The following CSMD1 variants were observed in gnomAD, a reference collection of about 807,000 sequenced individuals.
CSMD1 encodes CUB and Sushi multiple domains 1, also known as CUB and sushi domain-containing protein 1.
CSMD1 carries 213 observed loss-of-function variants against 417.5 expected under a neutral mutation model. That is an observed-to-expected ratio of 0.51 (90% CI 0.46 to 0.57). CSMD1 has a LOEUF of 0.57. CSMD1 is among the 20% of genes least tolerant of loss of function. The pLI is 0.00. For missense variants in CSMD1, 6,923 were observed against 4,529.7 expected (o/e 1.53, Z -15.17); for synonymous variants, 2,862 against 1,736.8 (o/e 1.65, Z -16.11).
chr8:4,924,583 G>A (rs1806723596), intron 1 of CSMD1, among the ~76,000 whole-genome samples: 1 of 151,934 alleles, frequency 6.6e-6, no homozygotes. Context: ...TTAGCCTGGT[G>A]TGGTGGCCCG....
chr8:4,840,086 G>C (rs1004656744), intron 1 of CSMD1, among the ~76,000 whole-genome samples: 1 of 103,296 alleles, frequency 9.7e-6, no homozygotes, highest in Admixed American at 1.0e-4. Flanking sequence ...GGCTTGGGAA[G>C]AGCCTACCTG....
intron 8 of CSMD1, among the ~76,000 whole-genome samples, chr8:3,589,359 G>C (rs1180359370): frequency 6.8e-6 from 1 of 147,412 alleles, no homozygotes; most frequent in Non-Finnish European, 1.5e-5. Context: ...ACTGGACTGA[G>C]AAATGGATAA....
intron 3 of CSMD1, among the ~76,000 whole-genome samples, chr8:4,263,802 C>G (rs1167224453): frequency 3.9e-5 from 6 of 152,086 alleles, no homozygotes; most frequent in Non-Finnish European, 5.9e-5. Context: ...ACTGGCTCAC[C>G]TAAATTATAC....
chr8:4,212,129 G>A (rs1049405558), intron 3 of CSMD1, among the ~76,000 whole-genome samples: 7 of 151,144 alleles, frequency 4.6e-5, no homozygotes, highest in African/African-American at 1.7e-4. Context: ...TGTAGGAGAA[G>A]AAGTGTCCTT....
chr8:4,042,455 T>C (rs1585191819), intron 3 of CSMD1, among the ~76,000 whole-genome samples: 1 of 151,818 alleles, frequency 6.6e-6, no homozygotes, highest in Non-Finnish European at 1.5e-5. Context: ...ATGACAAAAA[T>C]ATTTTGCAAT....
chr8:4,146,836 T>G (rs1048420023), intron 3 of CSMD1, among the ~76,000 whole-genome samples: 5 of 149,736 alleles, frequency 3.3e-5, no homozygotes, highest in Non-Finnish European at 7.4e-5. Context: ...AGTCTCGATC[T>G]CCTGACCTCG....
At chr8:4,658,919 T>G (rs572334588) in intron 1 of CSMD1, among the ~76,000 whole-genome samples, 1 of 152,168 alleles carries the variant, frequency 6.6e-6, no homozygotes, top group African/African-American at 2.4e-5. Context: ...AATACGTTGA[T>G]ATTAATAGAA....
intron 5 of CSMD1, among the ~76,000 whole-genome samples, chr8:3,839,649 A>C (rs1480741099): frequency 3.6e-5 from 5 of 140,082 alleles, no homozygotes; most frequent in African/African-American, 1.3e-4. Context: ...TGACACTTCA[A>C]CTCAGAAAAA....
chr8:3,294,121 G>A (rs1490042828), intron 25 of CSMD1, among the ~76,000 whole-genome samples: 3 of 152,212 alleles, frequency 2.0e-5, no homozygotes, highest in Non-Finnish European at 2.9e-5. Flanking sequence ...GGTATCAGCA[G>A]CAGAGACTGC....
chr8:4,880,321 C>T (rs748309211), intron 1 of CSMD1, among the ~76,000 whole-genome samples: 13 of 152,078 alleles, frequency 8.5e-5, no homozygotes, highest in Non-Finnish European at 1.6e-4. Context: ...CCACTGCAAA[C>T]TCATAGGCTG....
intron 1 of CSMD1, among the ~76,000 whole-genome samples, chr8:4,685,139 A>T (rs75438421): frequency 0.028 from 4,296 of 152,364 alleles, 71 homozygotes; most frequent in Non-Finnish European, 0.043. Context: ...CAATGGAAAT[A>T]ATCATTGTAT....
At chr8:4,393,278 C>A (rs1393955756) in intron 3 of CSMD1, among the ~76,000 whole-genome samples, 1 of 152,116 alleles carries the variant, frequency 6.6e-6, no homozygotes, top group African/African-American at 2.4e-5. Context: ...ACCTGGCCTA[C>A]AAAGCAGTTT....
intron 5 of CSMD1, among the ~76,000 whole-genome samples, chr8:3,836,892 CA>C (rs1486828680): frequency 2.6e-5 from 4 of 151,774 alleles, no homozygotes; most frequent in African/African-American, 4.8e-5. Context: ...AGTTCTTTAA[CA>C]TTTTTTTTTC....
intron 3 of CSMD1, among the ~76,000 whole-genome samples, chr8:4,146,460 TAAC>T (rs1253921301): frequency 6.6e-6 from 1 of 150,586 alleles, no homozygotes; most frequent in Non-Finnish European, 1.5e-5. Flanking sequence ...AGTGTAGAGT[TAAC>T]AATGTTGAAA....
chr8:3,553,710 T>C (rs905636477), intron 10 of CSMD1, among the ~76,000 whole-genome samples: 1 of 152,346 alleles, frequency 6.6e-6, no homozygotes, highest in East Asian at 1.9e-4. Context: ...GTTACAAATA[T>C]TCTGAAGACA....
chr8:4,812,952 T>A (rs1798994770), intron 1 of CSMD1, among the ~76,000 whole-genome samples: 2 of 152,222 alleles, frequency 1.3e-5, no homozygotes, highest in Admixed American at 1.3e-4. Context: ...GACAAAAATG[T>A]AAGAATAAAC....
chr8:3,977,128 T>A (rs1813495185), intron 5 of CSMD1, among the ~76,000 whole-genome samples: 1 of 152,210 alleles, frequency 6.6e-6, no homozygotes, highest in Non-Finnish European at 1.5e-5. Context: ...AATCCTCAGA[T>A]GAAACTTTCA....
intron 3 of CSMD1, among the ~76,000 whole-genome samples, chr8:4,046,259 A>C (rs901109263): frequency 6.6e-6 from 1 of 152,108 alleles, no homozygotes; most frequent in Non-Finnish European, 1.5e-5. Flanking sequence ...TTTTATTTCT[A>C]ATTATTGAAT....
At chr8:4,915,910 T>A (rs533275574) in intron 1 of CSMD1, among the ~76,000 whole-genome samples, 1 of 152,198 alleles carries the variant, frequency 6.6e-6, no homozygotes, top group East Asian at 1.9e-4. Context: ...GGAGTGGCTC[T>A]TCATGGGGAG....
Sources: allele counts gnomAD v4.1 joint callset (sites outside exome capture counted in the v4.1 genomes callset), GRCh38; gene constraint gnomAD v4.1.1; transcripts MANE v1.5; gene names NCBI Gene and HGNC (gene_info 2026-07-23, HGNC 2026-07-21).